The following SFMBT2 variants were observed in gnomAD, a reference collection of about 807,000 sequenced individuals.
The protein encoded by SFMBT2 is Scm like with four mbt domains 2.
SFMBT2 carries 38 observed loss-of-function variants against 110.1 expected under a neutral mutation model. That is an observed-to-expected ratio of 0.35 (90% CI 0.27 to 0.45). The LOEUF (loss-of-function observed/expected upper bound fraction) is 0.45, where lower values mean the gene tolerates loss of function less well. SFMBT2 is among the 20% of genes least tolerant of loss of function. The pLI is 1.00. For missense variants in SFMBT2, 1,011 were observed against 1,094.9 expected (o/e 0.92, Z 1.08); for synonymous variants, 425 against 425.4 (o/e 1.00, Z 0.01).
intron 1 of SFMBT2, among the ~76,000 whole-genome samples, chr10:7,402,370 T>C (rs1029438955): frequency 6.6e-6 from 1 of 152,094 alleles, no homozygotes; most frequent in Non-Finnish European, 1.5e-5. Context: ...TATTCTGCCA[T>C]CCATCGCAGG....
chr10:7,381,715 T>C, intron 2 of SFMBT2, 84 bp downstream of exon 2: 1 of 1,396,020 alleles, frequency 7.2e-7, no homozygotes, highest in Admixed American at 1.8e-5. Context: ...CTACAAATGT[T>C]GCCCCATTGT....
chr10:7,370,472 CA>C, intron 2 of SFMBT2, 97 bp from the exon 3 acceptor site: 1 of 1,005,214 alleles, frequency 9.9e-7, no homozygotes. Flanking sequence ...ATACAAGACA[CA>C]AGCTAATTCC....
At chr10:7,355,562 C>T (rs1844478416) in intron 4 of SFMBT2, among the ~76,000 whole-genome samples, 1 of 152,188 alleles carries the variant, frequency 6.6e-6, no homozygotes, top group South Asian at 2.1e-4. Flanking sequence ...TCTGTAACCC[C>T]AGCCCTTTGG....
At chr10:7,380,942 T>C (rs1845401646) in intron 2 of SFMBT2, among the ~76,000 whole-genome samples, 2 of 152,038 alleles carry the variant, frequency 1.3e-5, no homozygotes. Flanking sequence ...CCAGCTATTG[T>C]GGAGGCTGAG....
chr10:7,323,346 G>A (rs1367727726), intron 4 of SFMBT2, among the ~76,000 whole-genome samples: 1 of 150,970 alleles, frequency 6.6e-6, no homozygotes, highest in African/African-American at 2.4e-5. Context: ...AGCTAATGGG[G>A]AGGCTGAGAC....
intron 4 of SFMBT2, among the ~76,000 whole-genome samples, chr10:7,351,901 T>G (rs1262844499): frequency 2.6e-5 from 4 of 151,722 alleles, no homozygotes; most frequent in Admixed American, 2.6e-4. Context: ...ATATATCTGA[T>G]GAGGAGGGAA....
At chr10:7,399,047 A>G (rs539676240) in intron 1 of SFMBT2, among the ~76,000 whole-genome samples, 1 of 152,332 alleles carries the variant, frequency 6.6e-6, no homozygotes, top group African/African-American at 2.4e-5. Context: ...CCAAAATACC[A>G]AAAGAAGTTA....
Position 7,228,048 on chromosome 10 carries a change from A to C in SFMBT2, c.1121-111T>G, listed in dbSNP as rs920317546. The stretch of plus-strand genomic sequence containing the variant: ...GGCTCCCAAAAGATAATGTCCTCTG[A>C]TGCCTAACAGCACTTCAGATTTCAT... On this transcript the variant is annotated intron_variant, in intron 9 of 20. Transcript: ENST00000397167. 13 of 696,382 alleles carry C rather than the reference A, an allele frequency of 1.9e-5. No individual in the cohort carries two copies. The African/African-American group carries it at 2.1e-4, about 11-fold the overall frequency. 43.1% of individuals were successfully genotyped at this position (696,382 alleles called of 1,614,324 possible).
In SFMBT2 at chr10:7,195,335, T is replaced by C. The variant is rs187388459; in HGVS notation, c.1698+2213A>G. Reference sequence around the variant, plus strand: ...TAGCGGTCCTGCTGCTTAACCACACTGCGGAGCCCTTCCCAGGGTGTGGCC... The same window carrying C: ...TAGCGGTCCTGCTGCTTAACCACACCGCGGAGCCCTTCCCAGGGTGTGGCC... On this transcript the variant is annotated intron_variant, in intron 15 of 20. Coordinates refer to ENST00000397167, the MANE Select transcript of SFMBT2 (RefSeq NM_001387889.1). 4.4e-3 allele frequency among the ~76,000 whole-genome samples: 663 copies of C among 152,330 alleles called. 4 individuals are homozygous for C. Among genetic ancestry groups the C allele is most frequent in the Admixed American group, 4.6e-3 (71 of 15,302 alleles).
intron 7 of SFMBT2, among the ~76,000 whole-genome samples, chr10:7,258,590 G>A (rs890460594): frequency 1.3e-5 from 2 of 152,150 alleles, no homozygotes; most frequent in African/African-American, 4.8e-5. Context: ...GTCAATGGAA[G>A]GTTTTAGTTA....
In SFMBT2 at chr10:7,171,917, G is replaced by T. The variant is rs762958255; in HGVS notation, c.2393C>A (p.Pro798Gln). 7.0e-7 allele frequency: 1 copy of T among 1,437,724 alleles called. No homozygotes were observed. The highest frequency in any genetic ancestry group is 1.5e-5 in the African/African-American group (1 of 68,810). 89.1% of individuals were successfully genotyped at this position (1,437,724 alleles called of 1,614,324 possible). A position where few individuals can be genotyped will look rare whatever the true frequency, so the allele number is the denominator to read the frequency against. ...SSAEEGEKCP[P>Q]TKPEGTEDTK... ...CACCTCTGTCCCCTCGGGCTTGGTC[G>T]GCGGGCACTTCTCCCCTTCCTCTGC... The change falls in exon 19 of 21, where the codon CCG becomes CAG. Residue 798 changes from proline (P) to glutamine (Q), a missense_variant. Physicochemically the swap from Pro to Gln is moderately conservative, Grantham distance 76. Around this residue, in one of 2 missense-constraint regions of SFMBT2, gnomAD observed 979 missense variants for 1,016.1 expected, o/e 0.96. Coordinates refer to ENST00000397167, the MANE Select transcript of SFMBT2 (RefSeq NM_001387889.1). The surrounding 1 kb of genome is among the most constrained non-coding windows in gnomAD (Gnocchi z 4.9).
rs1837563173 is a variant in SFMBT2 at position 7,162,042 on chromosome 10, CGG to C, written c.*1726_*1727del. The C allele has an allele frequency of 1.3e-5, 2 of 152,154 alleles. No individual in the cohort carries two copies. The highest frequency in any genetic ancestry group is 2.9e-5 in the Non-Finnish European group (2 of 68,086). The allele number at this position is 152,154 out of a possible 1,614,324, so 9.4% of individuals were successfully genotyped here. On this transcript the variant is annotated 3_prime_UTR_variant, in exon 21 of 21. Coordinates refer to ENST00000397167, the MANE Select transcript of SFMBT2 (RefSeq NM_001387889.1). The stretch of plus-strand genomic sequence containing the variant: ...GAAGGCATCTTGGCAGCCACCACAG[CGG>C]AACACTGTAGTCCACAGGGTCTGAG...
intron 1 of SFMBT2, among the ~76,000 whole-genome samples, chr10:7,389,799 A>C (rs1845718690): frequency 6.6e-6 from 1 of 152,202 alleles, no homozygotes; most frequent in Non-Finnish European, 1.5e-5. Flanking sequence ...TTATCAATCC[A>C]GGTGTTATTA....
chr10:7,220,880 G>A (rs1839709806), intron 10 of SFMBT2, among the ~76,000 whole-genome samples: 1 of 150,864 alleles, frequency 6.6e-6, no homozygotes, highest in Non-Finnish European at 1.5e-5. Flanking sequence ...AGACTGGAGT[G>A]CAGTGGCGTG....
Position 7,292,850 on chromosome 10 carries a change from G to A in SFMBT2, c.437-6896C>T, listed in dbSNP as rs952458794. ...TCTACTAAAAATAGAAAAATTAGCC[G>A]GGCATGGTGGCAGGTGCCTGTAGTA... is the stretch of plus-strand genomic sequence containing the variant. On this transcript the variant is annotated intron_variant, in intron 4 of 20. Transcript: ENST00000397167. Among the ~76,000 whole-genome samples, 7 of 151,940 alleles carry A rather than the reference G, an allele frequency of 4.6e-5. No homozygotes were observed. The East Asian group carries it at 7.8e-4, about 17-fold the overall frequency.
Position 7,400,114 on chromosome 10 carries a change from G to A in SFMBT2, c.-52+10747C>T, listed in dbSNP as rs574153060. Among the ~76,000 whole-genome samples the A allele has an allele frequency of 9.2e-5, 14 of 152,270 alleles. No homozygotes were observed. In the East Asian group the frequency reaches 1.9e-3, roughly 21 times the overall value. On this transcript the variant is annotated intron_variant, in intron 1 of 20. Coordinates refer to ENST00000397167, the MANE Select transcript of SFMBT2 (RefSeq NM_001387889.1). ...CAGAGCCTGCACTGGGAAATGGGCA[G>A]GAGAACCTGAAAAATATGTAGTGGC...
At chr10:7,211,918 A>G (rs772649517) in intron 11 of SFMBT2, among the ~76,000 whole-genome samples, 1 of 152,106 alleles carries the variant, frequency 6.6e-6, no homozygotes, top group Non-Finnish European at 1.5e-5. Context: ...TCTGAACCAC[A>G]CCATTGTTCC....
intron 20 of SFMBT2, among the ~76,000 whole-genome samples, chr10:7,165,737 G>A (rs1249312747): frequency 6.6e-6 from 1 of 152,214 alleles, no homozygotes; most frequent in Admixed American, 6.5e-5. Flanking sequence ...GAGACAAACT[G>A]TAGAAAACTG....
At chr10:7,351,278 G>A (rs1844306361) in intron 4 of SFMBT2, among the ~76,000 whole-genome samples, 2 of 152,252 alleles carry the variant, frequency 1.3e-5, no homozygotes, top group Non-Finnish European at 2.9e-5. Flanking sequence ...CAACTGCTGA[G>A]CTTTAACTAT....
Sources: allele counts gnomAD v4.1 joint callset (sites outside exome capture counted in the v4.1 genomes callset), GRCh38; gene constraint gnomAD v4.1.1; regional missense constraint gnomAD v4.1.1; non-coding constraint Gnocchi (gnomAD v3.1); transcripts MANE v1.5; gene names NCBI Gene and HGNC (gene_info 2026-07-23, HGNC 2026-07-21).